Variants in CNTNAP2 observed in about 807,000 individuals in gnomAD.
CNTNAP2 encodes contactin associated protein 2.
In CNTNAP2, 98 loss-of-function variants were observed where a neutral mutation model predicts 155.2. That is an observed-to-expected ratio of 0.63 (90% CI 0.54 to 0.75). The LOEUF (loss-of-function observed/expected upper bound fraction) is 0.75, where lower values mean the gene tolerates loss of function less well. CNTNAP2 is among the 30% of genes least tolerant of loss of function. The probability of loss-of-function intolerance (pLI) is 0.00; values close to 1 mark genes in which losing one functional copy is unlikely to be tolerated. For synonymous variants in CNTNAP2, 651 were observed against 631.2 expected (o/e 1.03, Z -0.47); for missense variants, 1,727 against 1,688.1 (o/e 1.02, Z -0.40).
At chr7:148,141,352 C>G (rs753664760) in intron 16 of CNTNAP2, among the ~76,000 whole-genome samples, 1 of 152,218 alleles carries the variant, frequency 6.6e-6, no homozygotes, top group South Asian at 2.1e-4. Flanking sequence ...TTGTTTTAAA[C>G]AGACATAACT....
intron 18 of CNTNAP2, among the ~76,000 whole-genome samples, chr7:148,176,761 T>C (rs906266004): frequency 1.3e-5 from 2 of 152,160 alleles, no homozygotes; most frequent in Non-Finnish European, 2.9e-5. Flanking sequence ...GCAGTTTAAC[T>C]CAGTGGAGGT....
chr7:147,320,745 G>A (rs1192865236), intron 9 of CNTNAP2, among the ~76,000 whole-genome samples: 1 of 152,146 alleles, frequency 6.6e-6, no homozygotes, highest in Non-Finnish European at 1.5e-5. Context: ...ATAGCAAAGA[G>A]GCTATTTTTC....
chr7:146,966,496 T>C (rs544683160), intron 3 of CNTNAP2, among the ~76,000 whole-genome samples: 2 of 152,356 alleles, frequency 1.3e-5, no homozygotes, highest in Admixed American at 6.5e-5. Flanking sequence ...CAGTTTACTC[T>C]TTTAATATCT....
intron 8 of CNTNAP2, among the ~76,000 whole-genome samples, chr7:147,157,301 G>C (rs1563096754): frequency 6.6e-6 from 1 of 152,092 alleles, no homozygotes; most frequent in Non-Finnish European, 1.5e-5. Context: ...TCTGAAAGAA[G>C]TTCCACATCT....
chr7:147,564,969 A>C (rs529337363), intron 12 of CNTNAP2, among the ~76,000 whole-genome samples: 1 of 152,298 alleles, frequency 6.6e-6, no homozygotes, highest in South Asian at 2.1e-4. Flanking sequence ...CTTTTCCTGG[A>C]AAGAATGTGG....
At chr7:146,762,712 C>T (rs1802124616) in intron 1 of CNTNAP2, among the ~76,000 whole-genome samples, 1 of 152,124 alleles carries the variant, frequency 6.6e-6, no homozygotes, top group African/African-American at 2.4e-5. Flanking sequence ...TTAATGGGCT[C>T]ACAGTTCCAC....
At chr7:147,792,017 C>G (rs1284359640) in intron 13 of CNTNAP2, among the ~76,000 whole-genome samples, 4 of 152,200 alleles carry the variant, frequency 2.6e-5, no homozygotes, top group African/African-American at 2.4e-5. Context: ...CCCCTAAGGG[C>G]ACCACCTAAT....
At chr7:147,427,631 T>G (rs557552951) in intron 10 of CNTNAP2, among the ~76,000 whole-genome samples, 1 of 152,168 alleles carries the variant, frequency 6.6e-6, no homozygotes, top group Admixed American at 6.5e-5. Context: ...AACTACATCA[T>G]ATTCACATTG....
chr7:147,890,320 G>T (rs191545535), intron 13 of CNTNAP2, among the ~76,000 whole-genome samples: 11 of 152,266 alleles, frequency 7.2e-5, no homozygotes, highest in African/African-American at 4.8e-5. Context: ...GCTTAGAAAG[G>T]CTGAAAATTA....
intron 13 of CNTNAP2, among the ~76,000 whole-genome samples, chr7:147,706,132 C>G (rs560321370): frequency 5.4e-5 from 8 of 148,614 alleles, no homozygotes; most frequent in Non-Finnish European, 1.2e-4. Flanking sequence ...GATTCTCTTT[C>G]TCTCCTATTG....
chr7:147,602,291 T>TCTA (rs1197526573), intron 12 of CNTNAP2, among the ~76,000 whole-genome samples: 1 of 152,166 alleles, frequency 6.6e-6, no homozygotes, highest in Non-Finnish European at 1.5e-5. Flanking sequence ...AAATTTGTTT[T>TCTA]CTAGTATTCT....
chr7:147,476,039 C>T (rs1798313942), intron 10 of CNTNAP2, among the ~76,000 whole-genome samples: 1 of 151,972 alleles, frequency 6.6e-6, no homozygotes, highest in Non-Finnish European at 1.5e-5. Flanking sequence ...GATAATCTTA[C>T]CTGTTAAGCT....
chr7:148,173,506 A>G (rs1341409746), intron 18 of CNTNAP2, among the ~76,000 whole-genome samples: 1 of 152,236 alleles, frequency 6.6e-6, no homozygotes, highest in African/African-American at 2.4e-5. Context: ...GAATTGTTCC[A>G]TAACATTCTC....
chr7:147,003,337 C>G (rs1028987688), intron 3 of CNTNAP2, among the ~76,000 whole-genome samples: 1 of 149,104 alleles, frequency 6.7e-6, no homozygotes, highest in Non-Finnish European at 1.5e-5. Flanking sequence ...GCAAACCAAC[C>G]CCCCCCAAAA....
At position 147,129,058 on chromosome 7, in the gene CNTNAP2, T is replaced by A. The variant is rs116349161; in HGVS notation, c.1083+222T>A. Among the ~76,000 whole-genome samples, 1,641 of 152,264 alleles carry A rather than the reference T, an allele frequency of 0.011. 29 individuals carry two copies. The highest frequency in any genetic ancestry group is 0.038 in the African/African-American group (1,565 of 41,554). ...GCTTGAAGTAGGTGGTTGGTTTTAT[T>A]CCCACGGAGCACAGAATGTTAGACT... On this transcript the variant is annotated intron_variant, in intron 7 of 23. Transcript: ENST00000361727.
At chr7:148,194,260 G>T (rs928972913) in intron 18 of CNTNAP2, among the ~76,000 whole-genome samples, 2 of 151,794 alleles carry the variant, frequency 1.3e-5, no homozygotes, top group Non-Finnish European at 2.9e-5. Flanking sequence ...GGTCCCCAAA[G>T]TGTTGAGATT....
intron 8 of CNTNAP2, among the ~76,000 whole-genome samples, chr7:147,272,924 G>T (rs1387478168): frequency 7.9e-5 from 12 of 152,096 alleles, no homozygotes; most frequent in African/African-American, 2.9e-4. Context: ...GTTATCTGAG[G>T]TTAGAATAAC....
intron 1 of CNTNAP2, among the ~76,000 whole-genome samples, chr7:146,664,212 T>C (rs1223392105): frequency 1.4e-5 from 2 of 141,508 alleles, no homozygotes; most frequent in African/African-American, 2.7e-5. Context: ...CCCAGGTTGG[T>C]GTGCAGTGGC....
chr7:147,244,658 G>T (rs1416834993), intron 8 of CNTNAP2, among the ~76,000 whole-genome samples: 2 of 152,148 alleles, frequency 1.3e-5, no homozygotes, highest in African/African-American at 4.8e-5. Context: ...ATAGGTAGAT[G>T]ATATGATAAG....
Sources: allele counts gnomAD v4.1 joint callset (sites outside exome capture counted in the v4.1 genomes callset), GRCh38; gene constraint gnomAD v4.1.1; transcripts MANE v1.5; gene names NCBI Gene and HGNC (gene_info 2026-07-23, HGNC 2026-07-21).